Variants in VPS8 observed in about 807,000 individuals in gnomAD.
VPS8 encodes vacuolar protein sorting-associated protein 8 homolog.
VPS8 carries 129 observed loss-of-function variants against 216.4 expected under a neutral mutation model. The observed-to-expected ratio is 0.60, with a 90% confidence interval of 0.52 to 0.69. VPS8 has a LOEUF of 0.69. VPS8 is among the 30% of genes least tolerant of loss of function. VPS8 has a pLI of 0.00. For synonymous variants in VPS8, 571 were observed against 565.4 expected, an observed-to-expected ratio of 1.01 and a Z score of -0.14; for missense variants, 1,531 against 1,683.5, an observed-to-expected ratio of 0.91 and a Z score of 1.59.
At chr3:184,924,489 C>T (rs1739208080) in intron 29 of VPS8, among the ~76,000 whole-genome samples, 2 of 151,508 alleles carry the variant, frequency 1.3e-5, no homozygotes, top group Non-Finnish European at 2.9e-5. Context: ...TGCACTCGAG[C>T]TTGGGCAACA....
At chr3:184,944,467 G>A in intron 36 of VPS8, 1 of 983,564 alleles carries the variant, frequency 1.0e-6, no homozygotes, top group Non-Finnish European at 1.2e-6. Flanking sequence ...TCTCACAGGA[G>A]TTCTCCTGAT....
chr3:184,971,548 A>G, intron 39 of VPS8, 101 bp from the exon 40 acceptor site: 1 of 715,936 alleles, frequency 1.4e-6, no homozygotes, highest in South Asian at 1.9e-5. Context: ...ATACTAGAAA[A>G]TGAAGGTGAT....
chr3:185,038,369 T>C (rs770365062), intron 46 of VPS8, among the ~76,000 whole-genome samples: 16 of 152,246 alleles, frequency 1.1e-4, no homozygotes, highest in Non-Finnish European at 2.1e-4. Context: ...ATAAATTGTT[T>C]ATAAACTAAT....
chr3:185,031,955 G>A (rs1308495704), intron 46 of VPS8, among the ~76,000 whole-genome samples: 1 of 152,160 alleles, frequency 6.6e-6, no homozygotes, highest in Non-Finnish European at 1.5e-5. Flanking sequence ...CTTGAGGTCA[G>A]GAGTTCGAGA....
intron 45 of VPS8, among the ~76,000 whole-genome samples, chr3:185,018,989 T>C (rs561597427): frequency 6.6e-6 from 1 of 152,280 alleles, no homozygotes; most frequent in East Asian, 1.9e-4. Flanking sequence ...AGGGTACGGA[T>C]GAACCTTATC....
At chr3:184,949,332 A>G (rs1744241784) in intron 36 of VPS8, among the ~76,000 whole-genome samples, 1 of 152,156 alleles carries the variant, frequency 6.6e-6, no homozygotes, top group Non-Finnish European at 1.5e-5. Context: ...AGATTTTGGC[A>G]TTTGATTATT....
chr3:185,036,532 G>T (rs150485560), intron 46 of VPS8, among the ~76,000 whole-genome samples: 1 of 151,596 alleles, frequency 6.6e-6, no homozygotes, highest in Non-Finnish European at 1.5e-5. Flanking sequence ...TTTAATAAAT[G>T]GTGCTGTATA....
intron 39 of VPS8, 72 bp downstream of exon 39, chr3:184,966,785 G>A (rs753406167): frequency 1.8e-6 from 2 of 1,113,518 alleles, no homozygotes; most frequent in Non-Finnish European, 2.6e-6. Flanking sequence ...TTAATAAATT[G>A]CATTTATTAT....
At chr3:184,891,122 T>A (rs1000568266) in intron 22 of VPS8, among the ~76,000 whole-genome samples, 1 of 151,898 alleles carries the variant, frequency 6.6e-6, no homozygotes, top group South Asian at 2.1e-4. Context: ...GCAGTTATTT[T>A]AAAAAAAAGC....
At chr3:184,832,563 A>T in intron 3 of VPS8, 126 bp from the exon 4 acceptor site, 1 of 739,280 alleles carries the variant, frequency 1.4e-6, no homozygotes, top group South Asian at 2.2e-5. Flanking sequence ...GTCAATAAGA[A>T]TGCATGGAAT....
chr3:184,930,173 T>C (rs1740433351), intron 33 of VPS8, among the ~76,000 whole-genome samples: 1 of 152,176 alleles, frequency 6.6e-6, no homozygotes, highest in Admixed American at 6.5e-5. Flanking sequence ...TCTGCTGAAA[T>C]TGGGAATGTG....
chr3:185,000,472 C>T (rs1160770558), intron 45 of VPS8, among the ~76,000 whole-genome samples: 9 of 152,226 alleles, frequency 5.9e-5, no homozygotes, highest in African/African-American at 1.9e-4. Flanking sequence ...TTGTGCTCTA[C>T]TCGGCTATAC....
intron 34 of VPS8, among the ~76,000 whole-genome samples, chr3:184,931,582 ATCT>A (rs1205776644): frequency 6.6e-6 from 1 of 152,190 alleles, no homozygotes; most frequent in Non-Finnish European, 1.5e-5. Context: ...TGTGAACAAC[ATCT>A]TCTTGTGAAA....
At chr3:184,885,269 C>T (rs903925878) in intron 21 of VPS8, among the ~76,000 whole-genome samples, 1 of 152,124 alleles carries the variant, frequency 6.6e-6, no homozygotes. Flanking sequence ...AGAACATAAC[C>T]CTTCCAGGAT....
intron 21 of VPS8, among the ~76,000 whole-genome samples, chr3:184,884,884 T>C (rs919162112): frequency 2.0e-5 from 3 of 152,230 alleles, no homozygotes; most frequent in Non-Finnish European, 4.4e-5. Context: ...CTCAGCTATG[T>C]ATTTTAAAAG....
At chr3:184,933,027 G>A (rs769907579) in intron 34 of VPS8, among the ~76,000 whole-genome samples, 1 of 152,200 alleles carries the variant, frequency 6.6e-6, no homozygotes, top group Non-Finnish European at 1.5e-5. Flanking sequence ...TGATAGAAAT[G>A]CAAAGTTTGG....
intron 35 of VPS8, 59 bp downstream of exon 35, chr3:184,936,394 C>T (rs1307399452): frequency 3.5e-6 from 5 of 1,414,124 alleles, no homozygotes; most frequent in Admixed American, 4.0e-5. Context: ...ATTATTAAAT[C>T]GTCACCTAAG....
intron 14 of VPS8, among the ~76,000 whole-genome samples, chr3:184,858,435 A>C (rs1725683120): frequency 6.6e-6 from 1 of 152,238 alleles, no homozygotes; most frequent in East Asian, 1.9e-4. Flanking sequence ...ATCCTAAAGA[A>C]CTGAAGGTCT....
intron 45 of VPS8, among the ~76,000 whole-genome samples, chr3:185,018,121 C>T (rs1289481803): frequency 6.6e-6 from 1 of 152,178 alleles, no homozygotes; most frequent in Non-Finnish European, 1.5e-5. Flanking sequence ...ATGCAGATTA[C>T]CTCCAATACC....
Sources: gnomAD v4.1 joint callset for allele counts (sites outside exome capture counted in the v4.1 genomes callset) on GRCh38, gnomAD v4.1.1 for gene constraint, MANE v1.5 for transcripts, NCBI Gene and HGNC (gene_info 2026-07-23, HGNC 2026-07-21) for gene names.